The following ERCC6 variants were observed in gnomAD, a reference collection of about 807,000 sequenced individuals.
The protein encoded by ERCC6 is ERCC excision repair 6, chromatin remodeling factor.
ERCC6 carries 116 observed loss-of-function variants against 158.7 expected under a neutral mutation model. The ratio of observed to expected loss-of-function variants is 0.73; its 90% CI spans 0.63 to 0.85. The LOEUF (loss-of-function observed/expected upper bound fraction) is 0.85. ERCC6 is among the 40% of genes least tolerant of loss of function. The pLI, the probability that ERCC6 is intolerant of heterozygous loss-of-function variation, is 0.00. For missense variants in ERCC6, 1,698 were observed against 1,799.4 expected, an observed-to-expected ratio of 0.94 and a Z score of 1.02; for synonymous variants, 678 against 659.3, an observed-to-expected ratio of 1.03 and a Z score of -0.43.
chr10:49,446,227 T>TCA, the ERCC6 span, among the ~76,000 whole-genome samples: 3,182 of 92,042 alleles, frequency 0.035, 36 homozygotes, highest in African/African-American at 0.042. Flanking sequence ...CACAAAAACG[T>TCA]CACACACACA....
chr10:49,526,121 A>ATT (rs1427484776), intron 4 of ERCC6, among the ~76,000 whole-genome samples: 52 of 9,150 alleles, frequency 5.7e-3, no homozygotes, highest in African/African-American at 0.015. Flanking sequence ...ATATTTTTAT[A>ATT]TATATATATA....
chr10:49,486,992 A>C (rs962721707), intron 8 of ERCC6, among the ~76,000 whole-genome samples: 11 of 152,244 alleles, frequency 7.2e-5, no homozygotes, highest in African/African-American at 2.7e-4. Flanking sequence ...GGCTTATCAC[A>C]GGAATACAAG....
At chr10:49,514,794 T>G (rs749051037) in intron 5 of ERCC6, among the ~76,000 whole-genome samples, 9 of 152,218 alleles carry the variant, frequency 5.9e-5, no homozygotes, top group Non-Finnish European at 4.4e-5. Flanking sequence ...TTCTGTAGTA[T>G]GATAGGTTTT....
intron 1 of ERCC6, among the ~76,000 whole-genome samples, chr10:49,534,165 A>AAAAAAAG (rs1321344953): frequency 7.2e-6 from 1 of 139,246 alleles, no homozygotes; most frequent in Non-Finnish European, 1.6e-5. Context: ...CAAAAAAAAA[A>AAAAAAAG]CTCCATTTTA....
the ERCC6 span, among the ~76,000 whole-genome samples, chr10:49,442,063 C>T: frequency 5.3e-5 from 8 of 152,168 alleles, no homozygotes; most frequent in Admixed American, 2.0e-4. Context: ...CCCGCGCCCC[C>T]GGGGGAAGGG....
At chr10:49,514,305 A>G (rs1444161251) in intron 5 of ERCC6, among the ~76,000 whole-genome samples, 1 of 152,218 alleles carries the variant, frequency 6.6e-6, no homozygotes, top group Non-Finnish European at 1.5e-5. Flanking sequence ...AGTTCTTTGA[A>G]CTATACATAA....
At chr10:49,481,402 C>T (rs947457854) in intron 10 of ERCC6, among the ~76,000 whole-genome samples, 7 of 152,162 alleles carry the variant, frequency 4.6e-5, no homozygotes, top group African/African-American at 1.7e-4. Flanking sequence ...CAAAAGTTAA[C>T]TGAAAATCAT....
chr10:49,466,415 C>T (rs1237538784), intron 18 of ERCC6, among the ~76,000 whole-genome samples: 1 of 152,110 alleles, frequency 6.6e-6, no homozygotes, highest in South Asian at 2.1e-4. Context: ...GGAAAGGGCC[C>T]TAGGGTGCTG....
At position 49,500,559 on chromosome 10, in the gene ERCC6, C is replaced by T. The variant is rs1161113429; in HGVS notation, c.1664G>A (p.Arg555Lys). The change falls in exon 7 of 21, where the codon AGG (arginine) becomes AAG (lysine). Residue 555 changes from arginine to lysine, a missense_variant. Arg to Lys is a conservative substitution (Grantham distance 26, BLOSUM62 2). Transcript: ENST00000355832. ...TTGCCTGTAATTTGAACCACGAGTC[C>T]TGATCTTGCTGTAGCTCAGACCTGC... ...FLAGLSYSKI[R>K]TRGSNYRFEG... The T allele has an allele frequency of 2.5e-6, 4 of 1,613,810 alleles. No individual in the cohort carries two copies. In the African/African-American group the frequency reaches 4.0e-5, roughly 16 times the overall value.
At chr10:49,438,622 T>C in the ERCC6 span, among the ~76,000 whole-genome samples, 1 of 152,056 alleles carries the variant, frequency 6.6e-6, no homozygotes, top group Non-Finnish European at 1.5e-5. Flanking sequence ...AAACCAATCA[T>C]GCCTTCCCAA....
At position 49,524,682 on chromosome 10, in the gene ERCC6, T is replaced by A. The variant is rs758688919; in HGVS notation, c.748A>T (p.Thr250Ser). ...TTCTCCTGTTTCTGAGGGATCTGGG[T>A]ACCAAAAGGTGTCATCTGGCCAGTG... ...IRTGQMTPFG[T>S]QIPQKQEKKP... Residue 250 changes from threonine (T) to serine (S), a missense_variant, in exon 5 of 21, where the codon ACC becomes TCC. Coordinates refer to ENST00000355832, the MANE Select transcript of ERCC6 (RefSeq NM_000124.4). The A allele has an allele frequency of 1.2e-6, 2 of 1,613,048 alleles. No individual in the cohort carries two copies. The highest frequency in any genetic ancestry group is 1.1e-5 in the South Asian group (1 of 91,082).
intron 5 of ERCC6, among the ~76,000 whole-genome samples, chr10:49,522,965 G>T (rs1003793848): frequency 1.3e-5 from 2 of 152,160 alleles, no homozygotes; most frequent in African/African-American, 4.8e-5. Flanking sequence ...CTGTTTAAAA[G>T]AATTGACACA....
At chr10:49,538,190 G>C (rs1459625022) in intron 1 of ERCC6, among the ~76,000 whole-genome samples, 1 of 152,192 alleles carries the variant, frequency 6.6e-6, no homozygotes, top group African/African-American at 2.4e-5. Flanking sequence ...CCCATCACTG[G>C]GGCTCCCGCA....
At chr10:49,436,390 CAGAA>C in the ERCC6 span, among the ~76,000 whole-genome samples, 1 of 151,960 alleles carries the variant, frequency 6.6e-6, no homozygotes, top group Non-Finnish European at 1.5e-5. Flanking sequence ...CTTAGTGAAA[CAGAA>C]AGACACATTA....
intron 5 of ERCC6, among the ~76,000 whole-genome samples, chr10:49,522,786 C>G (rs1027766205): frequency 2.0e-5 from 3 of 152,184 alleles, no homozygotes; most frequent in African/African-American, 7.2e-5. Context: ...TACTGGGCAA[C>G]ATTCCTCAAA....
Position 49,500,698 on chromosome 10 carries a change from T to C in ERCC6, c.1527-2A>G, listed in dbSNP as rs768608345. 1 of 1,613,540 alleles carries C rather than the reference T, an allele frequency of 6.2e-7. No individual in the cohort carries two copies. The highest frequency in any genetic ancestry group is 2.2e-5 in the East Asian group (1 of 44,882). ...CACCTAACACCTGTCTGCTGGTACCTATGACAACAAACACCAACAAGAAAA... is the reference window on the plus strand; with the variant it reads ...CACCTAACACCTGTCTGCTGGTACCCATGACAACAAACACCAACAAGAAAA... On this transcript the variant is annotated splice_acceptor_variant, in intron 6 of 20. Coordinates refer to ENST00000355832, the MANE Select transcript of ERCC6 (RefSeq NM_000124.4). LOFTEE classifies it high-confidence loss of function.
intron 5 of ERCC6, among the ~76,000 whole-genome samples, chr10:49,512,486 T>C (rs1836838015): frequency 6.6e-6 from 1 of 152,220 alleles, no homozygotes; most frequent in Admixed American, 6.5e-5. Context: ...TGTACTTATA[T>C]TTTTATAGAT....
At chr10:49,513,824 A>G (rs1836874239) in intron 5 of ERCC6, among the ~76,000 whole-genome samples, 1 of 152,054 alleles carries the variant, frequency 6.6e-6, no homozygotes, top group African/African-American at 2.4e-5. Context: ...AAGCCAAACC[A>G]TATCAATACT....
At chr10:49,537,504 CACAT>C (rs539465367) in intron 1 of ERCC6, among the ~76,000 whole-genome samples, 1 of 118,826 alleles carries the variant, frequency 8.4e-6, no homozygotes, top group Non-Finnish European at 1.9e-5. Context: ...TATATATATA[CACAT>C]ACACACACAC....
Sources: allele counts gnomAD v4.1 joint callset (sites outside exome capture counted in the v4.1 genomes callset), GRCh38; gene constraint gnomAD v4.1.1; transcripts MANE v1.5; gene names NCBI Gene and HGNC (gene_info 2026-07-23, HGNC 2026-07-21).